Variants in EYA1 observed in about 807,000 individuals in gnomAD.
The protein encoded by EYA1 is EYA transcriptional coactivator and phosphatase 1.
A neutral mutation model predicts 82.0 loss-of-function variants in EYA1; 16 were observed. The observed-to-expected ratio is 0.20, with a 90% CI of 0.13 to 0.30. EYA1 has a LOEUF of 0.30. Ranked by LOEUF, EYA1 falls within the 10% of genes least tolerant of loss-of-function variation. EYA1 has a pLI of 1.00. For synonymous variants in EYA1, 261 were observed against 264.4 expected (o/e 0.99, Z 0.12); for missense variants, 633 against 730.7 (o/e 0.87, Z 1.54).
At chr8:71,512,400 G>GA (rs897931108) in intron 2 of EYA1, among the ~76,000 whole-genome samples, 10 of 143,518 alleles carry the variant, frequency 7.0e-5, no homozygotes, top group East Asian at 2.0e-4. Flanking sequence ...TTTCTTAAAA[G>GA]AAAAAAAAAG....
intron 9 of EYA1, among the ~76,000 whole-genome samples, chr8:71,284,954 G>A (rs1440032601): frequency 6.6e-6 from 1 of 152,144 alleles, no homozygotes; most frequent in Non-Finnish European, 1.5e-5. Flanking sequence ...TTTTAAAAAT[G>A]GAAATTTTAT....
intron 4 of EYA1, chr8:71,324,046 C>T (rs1262154884): frequency 6.6e-6 from 1 of 152,220 alleles, no homozygotes; most frequent in African/African-American, 2.4e-5. Flanking sequence ...AAATGCAATG[C>T]TACTTGCTGA....
intron 2 of EYA1, 46 bp downstream of exon 2, chr8:71,356,416 C>G: frequency 1.3e-6 from 2 of 1,513,022 alleles, no homozygotes; most frequent in Non-Finnish European, 1.8e-6. Context: ...ATATGGGTCA[C>G]AGAAAGGTAA....
intron 16 of EYA1, among the ~76,000 whole-genome samples, chr8:71,212,428 G>A (rs1808626473): frequency 6.6e-6 from 1 of 152,126 alleles, no homozygotes; most frequent in Non-Finnish European, 1.5e-5. Context: ...CAAAAACTTC[G>A]ATGTCATGAA....
chr8:71,330,411 C>T (rs1823698197), intron 4 of EYA1, among the ~76,000 whole-genome samples: 1 of 152,190 alleles, frequency 6.6e-6, no homozygotes, highest in Non-Finnish European at 1.5e-5. Flanking sequence ...ATACCTCTAA[C>T]CTCTGCCTCT....
intron 2 of EYA1, among the ~76,000 whole-genome samples, chr8:71,401,545 A>G (rs1029012585): frequency 2.0e-5 from 3 of 152,198 alleles, no homozygotes; most frequent in African/African-American, 4.8e-5. Flanking sequence ...AGCATATTTC[A>G]CAGGTTTTGC....
intron 2 of EYA1, among the ~76,000 whole-genome samples, chr8:71,431,228 G>A (rs900803429): frequency 3.3e-5 from 5 of 152,202 alleles, no homozygotes; most frequent in Non-Finnish European, 5.9e-5. Flanking sequence ...TTTATATCTG[G>A]TTAGGGGAGA....
chr8:71,307,776 G>A (rs1472755718), intron 7 of EYA1, among the ~76,000 whole-genome samples: 1 of 152,160 alleles, frequency 6.6e-6, no homozygotes, highest in Non-Finnish European at 1.5e-5. Context: ...ATCGGAGCAT[G>A]CCGCTAGGAT....
intron 3 of EYA1, among the ~76,000 whole-genome samples, chr8:71,336,548 T>C (rs368671257): frequency 1.2e-4 from 18 of 152,214 alleles, no homozygotes; most frequent in East Asian, 7.7e-4. Flanking sequence ...ACCCCTAAAA[T>C]TGACACCAGC....
intron 9 of EYA1, among the ~76,000 whole-genome samples, chr8:71,289,697 C>G (rs1447000066): frequency 6.6e-6 from 1 of 152,180 alleles, no homozygotes; most frequent in African/African-American, 2.4e-5. Context: ...CAATACAACT[C>G]TATCTCATGG....
chr8:71,511,502 T>A (rs952956368), intron 2 of EYA1, among the ~76,000 whole-genome samples: 15 of 152,180 alleles, frequency 9.9e-5, no homozygotes, highest in Admixed American at 9.8e-4. Flanking sequence ...TTTAGTTTTG[T>A]GTTGGAGTAG....
At chr8:71,425,291 G>A (rs202123616) in intron 2 of EYA1, among the ~76,000 whole-genome samples, 24 of 147,114 alleles carry the variant, frequency 1.6e-4, no homozygotes, top group Non-Finnish European at 2.2e-4. Context: ...CCGTCTCAAA[G>A]AAAAAAAAAA....
chr8:71,214,380 C>A (rs1808912919), intron 16 of EYA1, among the ~76,000 whole-genome samples: 1 of 152,178 alleles, frequency 6.6e-6, no homozygotes, highest in Admixed American at 6.5e-5. Flanking sequence ...ATTGTTCTCA[C>A]TAGCCCATCT....
At chr8:71,512,303 T>C (rs945803249) in intron 2 of EYA1, among the ~76,000 whole-genome samples, 1 of 151,968 alleles carries the variant, frequency 6.6e-6, no homozygotes, top group African/African-American at 2.4e-5. Context: ...GCTCCATATG[T>C]CACAGAGCCG....
At chr8:71,397,096 G>A (rs555006311) in intron 2 of EYA1, among the ~76,000 whole-genome samples, 1 of 152,248 alleles carries the variant, frequency 6.6e-6, no homozygotes, top group South Asian at 2.1e-4. Flanking sequence ...TTTTATCAGA[G>A]ACCAGGATTG....
rs920491924 is a variant in EYA1 at position 71,361,900 on chromosome 8, G to C, written c.-308C>G. ...TGAGCGAAAACGTGTTCCCCAGGAA[G>C]AAACCCGCCACAGTGGACGGCAACA... On this transcript the variant is annotated 5_prime_UTR_variant, in exon 1 of 18. Coordinates refer to ENST00000340726, the MANE Select transcript of EYA1 (RefSeq NM_000503.6). 1 of 985,412 alleles carries C rather than the reference G, an allele frequency of 1.0e-6. No homozygotes were observed. Among genetic ancestry groups the C allele is most frequent in the East Asian group, 1.1e-4 (1 of 8,786 alleles). The allele number at this position is 985,412 out of a possible 1,614,324, so 61.0% of individuals were successfully genotyped here.
chr8:71,309,679 T>C (rs2129013686), intron 7 of EYA1, among the ~76,000 whole-genome samples: 1 of 152,316 alleles, frequency 6.6e-6, no homozygotes, highest in Middle Eastern at 3.4e-3. Context: ...TAAACTTAAA[T>C]GGTTCAGGCG....
chr8:71,279,725 A>C (rs576571961), intron 9 of EYA1, among the ~76,000 whole-genome samples: 61 of 152,342 alleles, frequency 4.0e-4, no homozygotes, highest in South Asian at 4.1e-4. Context: ...CACCAGCTGC[A>C]CTGTGAAAGT....
chr8:71,452,965 T>C (rs1807518950), intron 2 of EYA1, among the ~76,000 whole-genome samples: 1 of 152,136 alleles, frequency 6.6e-6, no homozygotes, highest in African/African-American at 2.4e-5. Flanking sequence ...ACAATCAAAC[T>C]TCTCTGAGCT....
Sources: allele counts gnomAD v4.1 joint callset (sites outside exome capture counted in the v4.1 genomes callset), GRCh38; gene constraint gnomAD v4.1.1; transcripts MANE v1.5; gene names NCBI Gene and HGNC (gene_info 2026-07-23, HGNC 2026-07-21).